Variants in SCAPER observed in about 807,000 individuals in gnomAD.
SCAPER encodes the protein S phase cyclin A-associated protein in the endoplasmic reticulum.
Under a neutral mutation model 182.2 loss-of-function variants are expected in SCAPER, and 98 were observed. The ratio of observed to expected loss-of-function variants is 0.54; its 90% confidence interval spans 0.46 to 0.64. The LOEUF (loss-of-function observed/expected upper bound fraction) is 0.64. SCAPER is among the 30% of genes least tolerant of loss of function. The pLI is 0.00. For missense variants in SCAPER, 1,432 were observed against 1,690.0 expected (o/e 0.85, Z 2.68); for synonymous variants, 605 against 564.6 (o/e 1.07, Z -1.01).
chr15:76,651,162 G>A (rs1215495890), intron 21 of SCAPER, among the ~76,000 whole-genome samples: 1 of 151,830 alleles, frequency 6.6e-6, no homozygotes, highest in Non-Finnish European at 1.5e-5. Flanking sequence ...TAAAGAACAT[G>A]AAATAAAAAC....
intron 4 of SCAPER, among the ~76,000 whole-genome samples, chr15:76,853,602 G>A (rs554224243): frequency 7.3e-5 from 11 of 150,624 alleles, no homozygotes; most frequent in African/African-American, 1.5e-4. Flanking sequence ...AAAAGCTTTC[G>A]ATATAACTCA....
At chr15:76,866,286 A>G (rs2072297598) in intron 2 of SCAPER, among the ~76,000 whole-genome samples, 1 of 152,036 alleles carries the variant, frequency 6.6e-6, no homozygotes, top group Non-Finnish European at 1.5e-5. Context: ...TCAGGTCAGA[A>G]AATTCACTAT....
chr15:76,848,311 G>GT (rs1427761733), intron 4 of SCAPER, among the ~76,000 whole-genome samples: 20 of 128,028 alleles, frequency 1.6e-4, no homozygotes, highest in African/African-American at 4.8e-4. Context: ...AAAACATTGT[G>GT]TTTTTTTTGG....
intron 26 of SCAPER, among the ~76,000 whole-genome samples, chr15:76,412,947 T>G (rs1333719400): frequency 6.6e-6 from 1 of 152,216 alleles, no homozygotes; most frequent in East Asian, 1.9e-4. Context: ...TTTACTTTCA[T>G]GAGATTTACT....
At chr15:76,682,264 T>TCCCCCCCC (rs573661987) in intron 20 of SCAPER, among the ~76,000 whole-genome samples, 16 of 130,510 alleles carry the variant, frequency 1.2e-4, no homozygotes, top group African/African-American at 1.7e-4. Flanking sequence ...TCACCTCCCT[T>TCCCCCCCC]CCCCCCCCCA....
intron 23 of SCAPER, among the ~76,000 whole-genome samples, chr15:76,551,330 T>C (rs979713359): frequency 6.6e-6 from 1 of 152,020 alleles, no homozygotes; most frequent in Non-Finnish European, 1.5e-5. Flanking sequence ...AATGAATGGA[T>C]GGATAAAAAA....
At chr15:76,455,256 C>T (rs188407384) in intron 25 of SCAPER, among the ~76,000 whole-genome samples, 3 of 152,160 alleles carry the variant, frequency 2.0e-5, no homozygotes, top group Non-Finnish European at 4.4e-5. Flanking sequence ...GTATATACTT[C>T]AGGTGTACAA....
intron 22 of SCAPER, among the ~76,000 whole-genome samples, chr15:76,575,048 A>G (rs2047716978): frequency 1.3e-5 from 2 of 152,108 alleles, no homozygotes; most frequent in South Asian, 4.1e-4. Flanking sequence ...TTTTCTTGCA[A>G]ATGTCCTACA....
rs137958242 is a variant in SCAPER, at chr15:76,703,057, A to T, written c.2248-55T>A. On this transcript the variant is annotated intron_variant, in intron 18 of 31. Transcript: ENST00000563290. ...CAAAAATTATTCAAATTATGGTGAG[A>T]AATTGGAAAAATAATATTTCCATTA... is the stretch of plus-strand genomic sequence containing the variant. 2,044 of 1,491,948 alleles carry T rather than the reference A, an allele frequency of 1.4e-3. 30 individuals are homozygous for T. The African/African-American group carries it at 0.025, about 18-fold the overall frequency. The allele number at this position is 1,491,948 out of a possible 1,614,324, so 92.4% of individuals were successfully genotyped here.
intron 25 of SCAPER, among the ~76,000 whole-genome samples, chr15:76,461,850 G>T (rs2049206312): frequency 6.6e-6 from 1 of 152,070 alleles, no homozygotes; most frequent in African/African-American, 2.4e-5. Context: ...TCTCTTACAG[G>T]TGTTGATATT....
At chr15:76,809,066 A>G (rs2066399851) in intron 5 of SCAPER, among the ~76,000 whole-genome samples, 1 of 152,186 alleles carries the variant, frequency 6.6e-6, no homozygotes, top group African/African-American at 2.4e-5. Context: ...CACTAAGAAC[A>G]AAGACTGCAG....
At chr15:76,708,340 C>A in intron 17 of SCAPER, among the ~76,000 whole-genome samples, 1 of 151,374 alleles carries the variant, frequency 6.6e-6, no homozygotes, top group South Asian at 2.1e-4. Flanking sequence ...ATAGAAAGAG[C>A]CAAATGTATT....
chr15:76,887,872 G>A (rs568653198), intron 1 of SCAPER, among the ~76,000 whole-genome samples: 2 of 152,316 alleles, frequency 1.3e-5, no homozygotes, highest in East Asian at 1.9e-4. Context: ...CCTGACCCCC[G>A]TGTAGCCTAA....
At chr15:76,626,685 C>A (rs1172871687) in intron 21 of SCAPER, among the ~76,000 whole-genome samples, 1 of 152,200 alleles carries the variant, frequency 6.6e-6, no homozygotes, top group Non-Finnish European at 1.5e-5. Context: ...CCACTGCACT[C>A]CAGCCTGGAT....
intron 21 of SCAPER, among the ~76,000 whole-genome samples, chr15:76,643,977 T>C (rs1174603560): frequency 6.6e-6 from 1 of 152,156 alleles, no homozygotes; most frequent in Non-Finnish European, 1.5e-5. Flanking sequence ...AGAACTATAG[T>C]TTGAAAATCA....
intron 21 of SCAPER, among the ~76,000 whole-genome samples, chr15:76,627,686 T>C (rs2052714633): frequency 6.6e-6 from 1 of 152,202 alleles, no homozygotes; most frequent in Admixed American, 6.5e-5. Context: ...CTTTATCCAG[T>C]TTATCGTTGA....
intron 21 of SCAPER, among the ~76,000 whole-genome samples, chr15:76,622,863 T>C (rs1035072268): frequency 6.6e-6 from 1 of 152,148 alleles, no homozygotes; most frequent in Non-Finnish European, 1.5e-5. Flanking sequence ...GGAAATGCGA[T>C]CCCCAATGTT....
At chr15:76,391,264 T>A (rs897817744) in intron 27 of SCAPER, among the ~76,000 whole-genome samples, 1 of 152,216 alleles carries the variant, frequency 6.6e-6, no homozygotes, top group Non-Finnish European at 1.5e-5. Flanking sequence ...CCTGACCACT[T>A]CGTCTGCAGA....
At chr15:76,675,945 C>T (rs1175714636) in intron 20 of SCAPER, among the ~76,000 whole-genome samples, 2 of 152,106 alleles carry the variant, frequency 1.3e-5, no homozygotes, top group East Asian at 3.9e-4. Context: ...CTGCCTCAGC[C>T]TCCCGAGTAG....
Sources: allele counts gnomAD v4.1 joint callset (sites outside exome capture counted in the v4.1 genomes callset), GRCh38; gene constraint gnomAD v4.1.1; transcripts MANE v1.5; gene names NCBI Gene and HGNC (gene_info 2026-07-23, HGNC 2026-07-21).